The following PCDH15 variants were observed in gnomAD, a reference collection of about 807,000 sequenced individuals.
PCDH15 encodes the protein protocadherin-15.
Under a neutral mutation model 178.5 loss-of-function variants are expected in PCDH15, and 129 were observed. That is an observed-to-expected ratio of 0.72 (90% confidence interval 0.63 to 0.84). The LOEUF (loss-of-function observed/expected upper bound fraction) is 0.84, where lower values mean the gene tolerates loss of function less well. Among genes scored for constraint, PCDH15 ranks in the 40% least tolerant of loss-of-function variants. The probability of loss-of-function intolerance (pLI) is 0.00; values close to 1 mark genes in which losing one functional copy is unlikely to be tolerated. For missense variants in PCDH15, 2,230 were observed against 2,099.9 expected, an observed-to-expected ratio of 1.06 and a Z score of -1.21; for synonymous variants, 800 against 732.0, an observed-to-expected ratio of 1.09 and a Z score of -1.50.
chr10:54,923,210 T>G (rs762574118), intron 2 of PCDH15, among the ~76,000 whole-genome samples: 10 of 138,456 alleles, frequency 7.2e-5, no homozygotes, highest in South Asian at 2.3e-4. Flanking sequence ...CTGGATTGGC[T>G]GTGATGCTGG....
intron 1 of PCDH15, among the ~76,000 whole-genome samples, chr10:55,299,917 C>T (rs920811974): frequency 3.9e-5 from 6 of 152,078 alleles, no homozygotes; most frequent in Non-Finnish European, 7.4e-5. Flanking sequence ...AACATGAATG[C>T]GGCATGTCAC....
intron 2 of PCDH15, among the ~76,000 whole-genome samples, chr10:55,357,693 G>T (rs1287219850): frequency 6.6e-6 from 1 of 151,768 alleles, no homozygotes; most frequent in East Asian, 1.9e-4. Context: ...TCTATAATAA[G>T]ACTTATCTCA....
chr10:54,950,837 A>G (rs1003836630), intron 2 of PCDH15, among the ~76,000 whole-genome samples: 1 of 151,912 alleles, frequency 6.6e-6, no homozygotes, highest in African/African-American at 2.4e-5. Flanking sequence ...GTCAAACTAT[A>G]TCTGTTTATA....
chr10:55,470,107 T>C (rs1185617400), intron 2 of PCDH15, among the ~76,000 whole-genome samples: 5 of 152,104 alleles, frequency 3.3e-5, no homozygotes, highest in African/African-American at 9.7e-5. Context: ...TCCCAGAACT[T>C]TGGGAGGCTG....
intron 2 of PCDH15, among the ~76,000 whole-genome samples, chr10:55,070,000 G>A (rs945477009): frequency 1.3e-5 from 2 of 151,988 alleles, no homozygotes; most frequent in African/African-American, 4.8e-5. Context: ...TCTCATTGTG[G>A]TTTTGATTTG....
At chr10:55,159,082 A>T (rs1400137820) in intron 2 of PCDH15, among the ~76,000 whole-genome samples, 1 of 151,970 alleles carries the variant, frequency 6.6e-6, no homozygotes, top group African/African-American at 2.4e-5. Flanking sequence ...TGGCTAAATG[A>T]CTTTAGTACA....
At chr10:53,955,896 CT>C (rs910426611) in intron 23 of PCDH15, among the ~76,000 whole-genome samples, 12 of 152,102 alleles carry the variant, frequency 7.9e-5, no homozygotes, top group Non-Finnish European at 1.8e-4. Flanking sequence ...CTGTGCTTCA[CT>C]TTTTTTCATT....
chr10:53,990,098 A>G (rs1255314353), intron 21 of PCDH15, among the ~76,000 whole-genome samples: 4 of 152,172 alleles, frequency 2.6e-5, no homozygotes, highest in Non-Finnish European at 4.4e-5. Context: ...GTTTGGTAAC[A>G]TCGTGACATT....
At chr10:55,035,676 T>C (rs1207291614) in intron 2 of PCDH15, among the ~76,000 whole-genome samples, 1 of 152,230 alleles carries the variant, frequency 6.6e-6, no homozygotes, top group African/African-American at 2.4e-5. Flanking sequence ...AATAAATGCT[T>C]ATTCAGTAAA....
intron 1 of PCDH15, among the ~76,000 whole-genome samples, chr10:54,727,875 T>C (rs964600508): frequency 6.6e-6 from 1 of 151,352 alleles, no homozygotes; most frequent in Non-Finnish European, 1.5e-5. Flanking sequence ...CCTCCTAAGA[T>C]TGAACCAGAA....
intron 26 of PCDH15, among the ~76,000 whole-genome samples, chr10:53,894,839 G>A (rs1422438654): frequency 2.0e-5 from 3 of 152,170 alleles, no homozygotes; most frequent in Non-Finnish European, 4.4e-5. Flanking sequence ...GAGTGATGGA[G>A]CATAAAGTCT....
intron 2 of PCDH15, among the ~76,000 whole-genome samples, chr10:54,991,912 A>T (rs1480988647): frequency 6.6e-6 from 1 of 152,078 alleles, no homozygotes; most frequent in African/African-American, 2.4e-5. Context: ...TAAATAATTG[A>T]TACATTAGAA....
intron 1 of PCDH15, among the ~76,000 whole-genome samples, chr10:55,206,125 C>A (rs550769616): frequency 6.6e-6 from 1 of 151,838 alleles, no homozygotes; most frequent in Non-Finnish European, 1.5e-5. Context: ...ATATCACCTT[C>A]GTAATTTTGA....
chr10:54,103,028 A>G (rs2094840513), intron 15 of PCDH15, among the ~76,000 whole-genome samples: 1 of 152,148 alleles, frequency 6.6e-6, no homozygotes, highest in Non-Finnish European at 1.5e-5. Context: ...GGATGGAAGA[A>G]AGATTAACAG....
chr10:54,324,724 C>T (rs1171440239), intron 7 of PCDH15, among the ~76,000 whole-genome samples: 1 of 151,982 alleles, frequency 6.6e-6, no homozygotes, highest in Admixed American at 6.6e-5. Context: ...GAGATCACCC[C>T]CCTGCACTAC....
At chr10:54,600,294 G>C in intron 2 of PCDH15, 1 of 545,250 alleles carries the variant, frequency 1.8e-6, no homozygotes. Context: ...AGAAGGAAGG[G>C]AGTGATAAAG....
At chr10:54,263,803 TG>T (rs1293528112) in intron 8 of PCDH15, among the ~76,000 whole-genome samples, 2 of 152,144 alleles carry the variant, frequency 1.3e-5, no homozygotes, top group Non-Finnish European at 2.9e-5. Context: ...ATATTGTTCC[TG>T]GGTGTGTTTT....
chr10:53,848,449 A>G (rs2078123624), intron 28 of PCDH15, among the ~76,000 whole-genome samples: 1 of 152,058 alleles, frequency 6.6e-6, no homozygotes, highest in African/African-American at 2.4e-5. Flanking sequence ...AATAAACTGA[A>G]CTGAATGATA....
intron 2 of PCDH15, among the ~76,000 whole-genome samples, chr10:55,029,293 A>G (rs559565512): frequency 1.8e-4 from 28 of 152,142 alleles, no homozygotes; most frequent in South Asian, 1.2e-3. Flanking sequence ...GTTATGTTTT[A>G]TATAAATATG....
Sources: gnomAD v4.1 joint callset for allele counts (sites outside exome capture counted in the v4.1 genomes callset) on GRCh38, gnomAD v4.1.1 for gene constraint, MANE v1.5 for transcripts, NCBI Gene and HGNC (gene_info 2026-07-23, HGNC 2026-07-21) for gene names.